Variants in BBS5 observed in about 807,000 individuals in gnomAD.
BBS5 encodes the protein BBSome complex member BBS5.
A neutral mutation model predicts 50.2 loss-of-function variants in BBS5; 39 were observed. That is an observed-to-expected ratio of 0.78 (90% CI 0.60 to 1.01). BBS5 has a LOEUF of 1.01. Among genes scored for constraint, BBS5 ranks in the 50% least tolerant of loss-of-function variants. The pLI is 0.00. For synonymous variants in BBS5, 134 were observed against 133.1 expected (o/e 1.01, Z -0.05); for missense variants, 356 against 401.5 (o/e 0.89, Z 0.97).
chr2:169,494,778 A>C (rs765941691), intron 7 of BBS5, among the ~76,000 whole-genome samples: 2 of 152,218 alleles, frequency 1.3e-5, no homozygotes, highest in Non-Finnish European at 2.9e-5. Flanking sequence ...AAAATAGTTA[A>C]TGAAAATCCC....
At position 169,504,960 on chromosome 2, in the gene BBS5, T is replaced by C. The variant is rs994718972; in HGVS notation, c.*378T>C. ...GTCCAAAGAGGACTGGTGATCTACG[T>C]GTGCTTTTTCAAGGGAGCTGATAAA... On this transcript the variant is annotated 3_prime_UTR_variant, in exon 12 of 12. Transcript: ENST00000295240. 1 of 1,613,558 alleles carries C rather than the reference T, an allele frequency of 6.2e-7. No individual in the cohort carries two copies. The highest frequency in any genetic ancestry group is 1.7e-5 in the Admixed American group (1 of 60,022).
intron 6 of BBS5, 122 bp from the exon 7 acceptor site, chr2:169,493,619 A>G (rs1374518124): frequency 2.7e-6 from 2 of 732,002 alleles, no homozygotes; most frequent in African/African-American, 3.5e-5. Context: ...ATGAATGATG[A>G]AGTCATTGAT....
intron 5 of BBS5, among the ~76,000 whole-genome samples, chr2:169,492,420 G>A (rs1338315138): frequency 6.6e-6 from 1 of 151,200 alleles, no homozygotes; most frequent in Middle Eastern, 3.2e-3. Flanking sequence ...AACCTGGGAG[G>A]CAGAGGTTGC....
chr2:169,498,734 G>A (rs2105301063), intron 8 of BBS5, among the ~76,000 whole-genome samples: 1 of 151,440 alleles, frequency 6.6e-6, no homozygotes, highest in East Asian at 2.0e-4. Context: ...GCGAACCCGG[G>A]AGGCGGAGCT....
chr2:169,499,375 C>T, intron 8 of BBS5, 111 bp from the exon 9 acceptor site: 1 of 1,150,408 alleles, frequency 8.7e-7, no homozygotes, highest in Non-Finnish European at 1.2e-6. Context: ...AAAAAATGAA[C>T]TTACGTATTA....
chr2:169,488,053 A>T lies in BBS5; in HGVS notation c.325A>T (p.Ile109Leu). 6.2e-7 allele frequency: 1 copy of T among 1,613,416 alleles called. No individual in the cohort carries two copies. Among genetic ancestry groups the T allele is most frequent in the African/African-American group, 1.3e-5 (1 of 75,030 alleles). ...TKCNSTRFEF[I>L]FTNLVPGSPR... ...ATGTAACAGTACTCGTTTTGAATTT[A>T]TATTTACAAATTTGGTTCCTGGAAG... is the stretch of plus-strand genomic sequence containing the variant. Residue 109 changes from isoleucine to leucine, a missense_variant, in exon 5 of 12, where the codon ATA becomes TTA. Ile to Leu is a conservative substitution (Grantham distance 5, BLOSUM62 2). Transcript: ENST00000295240.
Position 169,503,133 on chromosome 2 carries a change from A to G in BBS5, c.855A>G (p.Gln285=). 6.2e-7 allele frequency: 1 copy of G among 1,614,058 alleles called. No individual in the cohort carries two copies. The change falls in exon 10 of 12, where the codon CAA becomes CAG. Residue 285 remains glutamine, a synonymous_variant. Transcript: ENST00000295240. ...PLEALTVEQI[Q]DDVEIDSDGH... ...AAGCTCTGACAGTCGAACAAATTCA[A>G]GATGATGTAGAAATAGACTCTGATG...
intron 7 of BBS5, 101 bp from the exon 8 acceptor site, chr2:169,497,526 C>A: frequency 1.3e-6 from 1 of 743,376 alleles, no homozygotes; most frequent in Non-Finnish European, 2.4e-6. Context: ...GTTCTTTAGA[C>A]TATGAAAAGT....
chr2:169,480,670 C>CTTTTTTTTTTTTTTTTTTTTTTT, intron 1 of BBS5, among the ~76,000 whole-genome samples: 1 of 73,168 alleles, frequency 1.4e-5, no homozygotes, highest in Non-Finnish European at 2.4e-5. Context: ...TTCTGTCATT[C>CTTTTTTTTTTTTTTTTTTTTTTT]TTTTTTTTTT....
At chr2:169,486,281 G>A (rs1343243263) in intron 2 of BBS5, among the ~76,000 whole-genome samples, 1 of 152,178 alleles carries the variant, frequency 6.6e-6, no homozygotes, top group Admixed American at 6.5e-5. Context: ...TAATTTGTTG[G>A]TGAAATAATG....
At position 169,504,735 on chromosome 2, in the gene BBS5, A is replaced by C; in HGVS notation, c.*153A>C. 8.0e-7 allele frequency: 1 copy of C among 1,243,316 alleles called. No homozygotes were observed. The allele number at this position is 1,243,316 out of a possible 1,614,324, so 77.0% of individuals were successfully genotyped here. On this transcript the variant is annotated 3_prime_UTR_variant, in exon 12 of 12. Transcript: ENST00000295240. The stretch of plus-strand genomic sequence containing the variant: ...TTAATGATTGAGGAAAAAGTCATTT[A>C]GAAAACTTCAGTTTTCGGCCAGCGC...
intron 6 of BBS5, 90 bp from the exon 7 acceptor site, chr2:169,493,651 C>T (rs895583962): frequency 1.6e-5 from 14 of 896,070 alleles, no homozygotes; most frequent in Non-Finnish European, 2.3e-5. Flanking sequence ...GTATTATTTG[C>T]TGCTGTAATA....
chr2:169,485,924 G>A lies in BBS5; in HGVS notation c.143-1145G>A, dbSNP rs1401057115. On this transcript the variant is annotated intron_variant, in intron 2 of 11. Transcript: ENST00000295240. ...TTGTTTCTTCCAGATTTCATGAACT[G>A]CTGCTCCCTCTTTTGTAAATAAACC... Among the ~76,000 whole-genome samples, 4 of 152,202 alleles carry A rather than the reference G, an allele frequency of 2.6e-5. No individual in the cohort carries two copies. In the East Asian group the frequency reaches 7.7e-4, roughly 29 times the overall value.
chr2:169,499,490 G>A lies in BBS5; in HGVS notation c.686G>A (p.Gly229Asp). 6.2e-7 allele frequency: 1 copy of A among 1,613,080 alleles called. No homozygotes were observed. Among genetic ancestry groups the A allele is most frequent in the Non-Finnish European group, 8.5e-7 (1 of 1,179,282 alleles). ...ALVIESSQQS[G>D]GYVLGFKIDP... Reference sequence around the variant, plus strand: ...TTATTATTTTTTCTCTTGTAGAGTGGTGGATATGTTCTTGGCTTTAAAATA... The same window carrying A: ...TTATTATTTTTTCTCTTGTAGAGTGATGGATATGTTCTTGGCTTTAAAATA... The change falls in exon 9 of 12, where the codon GGT (glycine) becomes GAT (aspartate). Residue 229 changes from glycine to aspartate, a missense_variant. Physicochemically the swap from Gly to Asp is moderately conservative, Grantham distance 94. Coordinates refer to ENST00000295240, the MANE Select transcript of BBS5 (RefSeq NM_152384.3).
At chr2:169,495,399 T>C (rs776359067) in intron 7 of BBS5, among the ~76,000 whole-genome samples, 9 of 152,246 alleles carry the variant, frequency 5.9e-5, no homozygotes, top group South Asian at 2.1e-4. Flanking sequence ...TTCTTTTTGT[T>C]ATTTAAGAAT....
At chr2:169,494,075 TATACTGGATTCTAAAAATTTAAATAGTA>T (rs1683651862) in intron 7 of BBS5, among the ~76,000 whole-genome samples, 1 of 152,180 alleles carries the variant, frequency 6.6e-6, no homozygotes, top group African/African-American at 2.4e-5. Flanking sequence ...AGAAGAGAAA[TATACTGGATTCTAAAAATTTAAATAGTA>T]ATACAGAGTA....
chr2:169,501,432 A>G (rs1574343720), intron 9 of BBS5, among the ~76,000 whole-genome samples: 1 of 152,174 alleles, frequency 6.6e-6, no homozygotes, highest in African/African-American at 2.4e-5. Flanking sequence ...AGTTTTCTCA[A>G]AATTGATATA....
At chr2:169,490,187 A>ATT (rs1189751993) in intron 5 of BBS5, among the ~76,000 whole-genome samples, 3,102 of 79,266 alleles carry the variant, frequency 0.039, 144 homozygotes, top group East Asian at 0.09. Context: ...TGAAATGTGC[A>ATT]TTTTTTTTTT....
chr2:169,489,138 C>T (rs768758821), intron 5 of BBS5, among the ~76,000 whole-genome samples: 7 of 152,160 alleles, frequency 4.6e-5, no homozygotes, highest in South Asian at 4.2e-4. Context: ...ACTACAGGTG[C>T]GCACCACCAT....
Sources: allele counts gnomAD v4.1 joint callset (sites outside exome capture counted in the v4.1 genomes callset), GRCh38; gene constraint gnomAD v4.1.1; transcripts MANE v1.5; gene names NCBI Gene and HGNC (gene_info 2026-07-23, HGNC 2026-07-21).